MIS18A: variants seen among roughly 807,000 people sequenced by gnomAD.
MIS18A encodes MIS18 kinetochore protein A, also known as protein Mis18-alpha.
Under a neutral mutation model 25.0 loss-of-function variants are expected in MIS18A, and 14 were observed. The ratio of observed to expected loss-of-function variants is 0.56; its 90% CI spans 0.37 to 0.88. The LOEUF is 0.88. Among genes scored for constraint, MIS18A ranks in the 40% least tolerant of loss-of-function variants. MIS18A has a pLI of 0.00. For missense variants in MIS18A, 292 were observed against 290.8 expected (o/e 1.00, Z -0.03); for synonymous variants, 134 against 118.6 (o/e 1.13, Z -0.84).
chr21:32,213,119 C>G, the MIS18A span, among the ~76,000 whole-genome samples: 1 of 152,130 alleles, frequency 6.6e-6, no homozygotes, highest in Non-Finnish European at 1.5e-5. Context: ...CATATCTAAC[C>G]AAATTTTAAA....
chr21:32,159,659 T>C, the MIS18A span, among the ~76,000 whole-genome samples: 3 of 152,364 alleles, frequency 2.0e-5, no homozygotes, highest in Admixed American at 2.0e-4. Context: ...AGCTTGGTTT[T>C]ATGTATTTTA....
At chr21:32,178,541 T>C in the MIS18A span, among the ~76,000 whole-genome samples, 4 of 152,258 alleles carry the variant, frequency 2.6e-5, no homozygotes, top group Non-Finnish European at 5.9e-5. Flanking sequence ...TTTACAATTA[T>C]TTCTTTAGCA....
At chr21:32,233,410 A>G in the MIS18A span, among the ~76,000 whole-genome samples, 4 of 152,218 alleles carry the variant, frequency 2.6e-5, no homozygotes, top group East Asian at 5.8e-4. Flanking sequence ...AGGGTTTGCC[A>G]TTTTGTTGAT....
the MIS18A span, among the ~76,000 whole-genome samples, chr21:32,182,823 C>G: frequency 6.6e-6 from 1 of 152,288 alleles, no homozygotes; most frequent in South Asian, 2.1e-4. Flanking sequence ...AGATCTCTTC[C>G]AATTTTATTA....
At chr21:32,240,777 G>GT in the MIS18A span, among the ~76,000 whole-genome samples, 4 of 284 alleles carry the variant, frequency 0.014, no homozygotes, top group South Asian at 0.17. Context: ...ATGTGGTTTT[G>GT]GTTTTTTTAA....
At chr21:32,256,154 C>T in the MIS18A span, among the ~76,000 whole-genome samples, 3 of 152,142 alleles carry the variant, frequency 2.0e-5, no homozygotes, top group Admixed American at 6.6e-5. Context: ...CCAGAAACCT[C>T]GTGTATTGCT....
the MIS18A span, among the ~76,000 whole-genome samples, chr21:32,156,837 T>TTGACCA: frequency 6.6e-6 from 1 of 152,106 alleles, no homozygotes; most frequent in East Asian, 1.9e-4. Context: ...AACCCCCAAA[T>TTGACCA]TGACCATGAC....
the MIS18A span, among the ~76,000 whole-genome samples, chr21:32,217,741 G>T: frequency 6.6e-6 from 1 of 151,984 alleles, no homozygotes; most frequent in African/African-American, 2.4e-5. Context: ...CATGTATAAG[G>T]GATCCTCAAG....
the MIS18A span, among the ~76,000 whole-genome samples, chr21:32,244,916 A>G: frequency 4.6e-5 from 7 of 152,356 alleles, no homozygotes; most frequent in South Asian, 1.4e-3. Flanking sequence ...ATCTCTTGAC[A>G]TAAAATAAAG....
chr21:32,251,068 G>A, the MIS18A span, among the ~76,000 whole-genome samples: 1 of 152,268 alleles, frequency 6.6e-6, no homozygotes, highest in East Asian at 1.9e-4. Flanking sequence ...ACCATGTGAA[G>A]AAGGACCTGT....
At chr21:32,235,073 A>C in the MIS18A span, among the ~76,000 whole-genome samples, 1 of 152,156 alleles carries the variant, frequency 6.6e-6, no homozygotes, top group African/African-American at 2.4e-5. Context: ...CTAATTGATC[A>C]CAACACTCAT....
At chr21:32,247,016 G>A in the MIS18A span, among the ~76,000 whole-genome samples, 1 of 152,092 alleles carries the variant, frequency 6.6e-6, no homozygotes, top group Non-Finnish European at 1.5e-5. Flanking sequence ...CGCAGATTAT[G>A]GGAAACACTC....
chr21:32,198,918 A>AAAAG, the MIS18A span, among the ~76,000 whole-genome samples: 5 of 151,930 alleles, frequency 3.3e-5, no homozygotes, highest in African/African-American at 9.7e-5. Flanking sequence ...AAAAAAAAAA[A>AAAAG]AAAGAAAGAA....
At chr21:32,216,876 A>G in the MIS18A span, among the ~76,000 whole-genome samples, 11 of 152,228 alleles carry the variant, frequency 7.2e-5, no homozygotes, top group Non-Finnish European at 1.6e-4. Flanking sequence ...TTAGTGTACC[A>G]CTAAGCCAAA....
chr21:32,265,536 G>C (rs577546481), downstream of MIS18A, among the ~76,000 whole-genome samples: 187 of 152,356 alleles, frequency 1.2e-3, no homozygotes, highest in African/African-American at 3.2e-3. Flanking sequence ...GCGCTGTGCT[G>C]GATTTCTCGC....
At chr21:32,164,659 T>G in the MIS18A span, among the ~76,000 whole-genome samples, 2 of 150,838 alleles carry the variant, frequency 1.3e-5, no homozygotes, top group Non-Finnish European at 3.0e-5. Flanking sequence ...ATATATATTT[T>G]TATATAAAAA....
the MIS18A span, among the ~76,000 whole-genome samples, chr21:32,201,247 A>G: frequency 6.6e-6 from 1 of 152,106 alleles, no homozygotes; most frequent in Non-Finnish European, 1.5e-5. Flanking sequence ...CCCTATGACC[A>G]AAACACTTCC....
At chr21:32,219,361 G>C in the MIS18A span, among the ~76,000 whole-genome samples, 2 of 152,142 alleles carry the variant, frequency 1.3e-5, no homozygotes, top group Admixed American at 1.3e-4. Context: ...GCCTCACCCG[G>C]GAAGTGCAAG....
At chr21:32,183,221 T>A in the MIS18A span, among the ~76,000 whole-genome samples, 2 of 152,164 alleles carry the variant, frequency 1.3e-5, no homozygotes, top group Non-Finnish European at 2.9e-5. Flanking sequence ...TTAGTGCCTA[T>A]CACGGACTTC....
Sources: gnomAD v4.1 joint callset for allele counts (sites outside exome capture counted in the v4.1 genomes callset) on GRCh38, gnomAD v4.1.1 for gene constraint, MANE v1.5 for transcripts, NCBI Gene and HGNC (gene_info 2026-07-23, HGNC 2026-07-21) for gene names.